Variants in NFATC1 observed in about 807,000 individuals in gnomAD.
NFATC1 encodes nuclear factor of activated T cells 1.
Under a neutral mutation model 76.0 loss-of-function variants are expected in NFATC1, and 22 were observed. That is an observed-to-expected ratio of 0.29 (90% CI 0.21 to 0.41). The LOEUF (loss-of-function observed/expected upper bound fraction) is 0.41. NFATC1 is among the 10% of genes least tolerant of loss of function. NFATC1 has a pLI of 1.00. For synonymous variants in NFATC1, 704 were observed against 613.1 expected, an observed-to-expected ratio of 1.15 and a Z score of -2.19; for missense variants, 1,357 against 1,337.7, an observed-to-expected ratio of 1.01 and a Z score of -0.23.
At chr18:79,396,636 A>C (rs2085014306) in intron 1 of NFATC1, among the ~76,000 whole-genome samples, 2 of 152,148 alleles carry the variant, frequency 1.3e-5, no homozygotes, top group South Asian at 2.1e-4. Context: ...AGCGGCTCGC[A>C]GGCCGGCGAT....
At chr18:79,449,460 G>T (rs1006909935) in intron 4 of NFATC1, among the ~76,000 whole-genome samples, 2 of 152,258 alleles carry the variant, frequency 1.3e-5, no homozygotes, top group African/African-American at 4.8e-5. Flanking sequence ...GACGAAACAT[G>T]TAACTTCCAA....
chr18:79,465,812 C>G lies in NFATC1; in HGVS notation c.1960-1638C>G, dbSNP rs2088460780. Among the ~76,000 whole-genome samples the G allele has an allele frequency of 6.6e-6, 1 of 152,256 alleles. No homozygotes were observed. The highest frequency in any genetic ancestry group is 2.4e-5 in the African/African-American group (1 of 41,462). ...TCCCCCGTACAAATGCCGAGACAGG[C>G]TCCGGGTGGCCAGAGCTTCCCGGGT... On this transcript the variant is annotated intron_variant, in intron 7 of 9. Coordinates refer to ENST00000427363, the MANE Select transcript of NFATC1 (RefSeq NM_001278669.2). The surrounding 1 kb of genome is among the most constrained non-coding windows in gnomAD (Gnocchi z 4.2).
intron 9 of NFATC1, among the ~76,000 whole-genome samples, chr18:79,506,314 T>TG (rs1412726919): frequency 6.6e-6 from 1 of 152,148 alleles, no homozygotes; most frequent in Non-Finnish European, 1.5e-5. Flanking sequence ...CGTGGACAGA[T>TG]GCTCCTGAGC....
At chr18:79,400,989 C>A (rs1239494006) in intron 1 of NFATC1, among the ~76,000 whole-genome samples, 1 of 86,850 alleles carries the variant, frequency 1.2e-5, no homozygotes, top group African/African-American at 4.5e-5. Flanking sequence ...GCCCCGCAGA[C>A]CCCCCCAAGC....
chr18:79,444,665 C>T (rs2087122641), intron 3 of NFATC1, among the ~76,000 whole-genome samples: 1 of 152,180 alleles, frequency 6.6e-6, no homozygotes, highest in African/African-American at 2.4e-5. Context: ...ACACAGGCAC[C>T]CCTGTGGGCA....
chr18:79,397,733 A>G (rs933238367), intron 1 of NFATC1, among the ~76,000 whole-genome samples: 2 of 152,210 alleles, frequency 1.3e-5, no homozygotes, highest in Non-Finnish European at 1.5e-5. Context: ...AGGTCTTTCC[A>G]AGTTCAGATC....
chr18:79,425,512 G>A (rs1318550063), intron 2 of NFATC1, among the ~76,000 whole-genome samples: 2 of 152,186 alleles, frequency 1.3e-5, no homozygotes, highest in African/African-American at 2.4e-5. Context: ...CAGCCTTCAC[G>A]GTTTTCACCT....
chr18:79,517,990 C>T (rs2090425683), intron 9 of NFATC1, among the ~76,000 whole-genome samples: 1 of 152,242 alleles, frequency 6.6e-6, no homozygotes, highest in Non-Finnish European at 1.5e-5. Context: ...ATTGTTTATT[C>T]TTTAAGCCCA....
chr18:79,494,197 G>T (rs556465124), intron 9 of NFATC1, among the ~76,000 whole-genome samples: 2 of 152,100 alleles, frequency 1.3e-5, no homozygotes, highest in South Asian at 4.1e-4. Context: ...TGAGAAAGGC[G>T]AGAGCGGGCA....
intron 9 of NFATC1, among the ~76,000 whole-genome samples, chr18:79,494,045 G>A (rs1600918106): frequency 6.6e-6 from 1 of 152,340 alleles, no homozygotes; most frequent in Non-Finnish European, 1.5e-5. Flanking sequence ...ACGTGCCCGA[G>A]GTGAGGCGGC....
Position 79,410,284 on chromosome 18 carries a change from G to A in NFATC1, c.128-119G>A. On this transcript the variant is annotated intron_variant, in intron 1 of 9. Coordinates refer to ENST00000427363, the MANE Select transcript of NFATC1 (RefSeq NM_001278669.2). This position sits in a 1 kb window ranked among gnomAD's most constrained non-coding sequence, Gnocchi z 6.7. ...CGTGGTCTCAGGGACGTTTGCTGAG[G>A]CCCGCTCCTTGGGGTCCGTTGGTCG... is the stretch of plus-strand genomic sequence containing the variant. The A allele has an allele frequency of 6.7e-7, 1 of 1,485,368 alleles. No homozygotes were observed. The highest frequency in any genetic ancestry group is 9.0e-7 in the Non-Finnish European group (1 of 1,110,958). The allele number at this position is 1,485,368 out of a possible 1,614,324, so 92.0% of individuals were successfully genotyped here.
At chr18:79,497,438 T>C (rs997143229) in intron 9 of NFATC1, 5 of 152,190 alleles carry the variant, frequency 3.3e-5, no homozygotes, top group African/African-American at 1.2e-4. Flanking sequence ...CTGGGCTCTG[T>C]TGAAAACCCC....
chr18:79,441,552 G>T lies in NFATC1; in HGVS notation c.1387-7230G>T, dbSNP rs144323229. Among the ~76,000 whole-genome samples, 375 of 152,312 alleles carry T rather than the reference G, an allele frequency of 2.5e-3. 1 individual carries two copies. The highest frequency in any genetic ancestry group is 8.5e-3 in the African/African-American group (353 of 41,560). On this transcript the variant is annotated intron_variant, in intron 3 of 9. Coordinates refer to ENST00000427363, the MANE Select transcript of NFATC1 (RefSeq NM_001278669.2). ...ATGTGTCTCCCTGAGATCAGCCAGG[G>T]CATCCCGGCTGTGGGTGGGCTGTGA... is the stretch of plus-strand genomic sequence containing the variant.
chr18:79,491,443 C>T (rs1032583967), intron 9 of NFATC1, among the ~76,000 whole-genome samples: 2 of 152,076 alleles, frequency 1.3e-5, no homozygotes, highest in Non-Finnish European at 2.9e-5. Flanking sequence ...AGGGAGAGAG[C>T]GAAAAGCTGG....
intron 1 of NFATC1, chr18:79,402,243 C>T (rs1283084847): frequency 2.0e-5 from 15 of 740,400 alleles, no homozygotes; most frequent in Non-Finnish European, 2.5e-5. Context: ...CTCTGCCCCT[C>T]GAGGCCTAGT....
intron 1 of NFATC1, among the ~76,000 whole-genome samples, chr18:79,397,814 A>G (rs1419494535): frequency 6.6e-6 from 1 of 152,138 alleles, no homozygotes; most frequent in Admixed American, 6.5e-5. Context: ...AAAAAACACG[A>G]CGGGGCAGTG....
intron 9 of NFATC1, among the ~76,000 whole-genome samples, chr18:79,503,961 C>T (rs2090068702): frequency 6.6e-6 from 1 of 152,170 alleles, no homozygotes; most frequent in Non-Finnish European, 1.5e-5. Context: ...TTTTTTTCTG[C>T]AGCTTCCTCA....
chr18:79,457,384 C>A (rs2087791200), intron 6 of NFATC1, among the ~76,000 whole-genome samples: 1 of 152,192 alleles, frequency 6.6e-6, no homozygotes, highest in South Asian at 2.1e-4. Flanking sequence ...CTCTCAGACT[C>A]CCCCTGCCTG....
chr18:79,518,474 G>A (rs1438376165), intron 9 of NFATC1, among the ~76,000 whole-genome samples: 5 of 152,308 alleles, frequency 3.3e-5, no homozygotes, highest in African/African-American at 9.6e-5. Flanking sequence ...GGTAACTGAA[G>A]GTCCACCAGG....
Sources: allele counts gnomAD v4.1 joint callset (sites outside exome capture counted in the v4.1 genomes callset), GRCh38; gene constraint gnomAD v4.1.1; non-coding constraint Gnocchi (gnomAD v3.1); transcripts MANE v1.5; gene names NCBI Gene and HGNC (gene_info 2026-07-23, HGNC 2026-07-21).